Variants in CDH13 observed in about 807,000 individuals in gnomAD.
The protein encoded by CDH13 is cadherin 13.
Under a neutral mutation model 63.8 loss-of-function variants are expected in CDH13, and 24 were observed. The observed-to-expected ratio is 0.38, with a 90% CI of 0.27 to 0.53. CDH13 has a LOEUF of 0.53. CDH13 is among the 20% of genes least tolerant of loss of function. CDH13 has a pLI of 0.85. For synonymous variants in CDH13, 503 were observed against 355.3 expected, an observed-to-expected ratio of 1.42 and a Z score of -4.67; for missense variants, 1,049 against 903.1, an observed-to-expected ratio of 1.16 and a Z score of -2.07.
chr16:82,849,477 G>A (rs907304242), intron 1 of CDH13, among the ~76,000 whole-genome samples: 4 of 152,142 alleles, frequency 2.6e-5, no homozygotes, highest in African/African-American at 9.7e-5. Flanking sequence ...ACTCCAGCCT[G>A]GTGACAGAGT....
chr16:82,990,698 C>T (rs927662395), intron 2 of CDH13, among the ~76,000 whole-genome samples: 2 of 152,026 alleles, frequency 1.3e-5, no homozygotes, highest in African/African-American at 2.4e-5. Context: ...AGGTGCATGC[C>T]ACCAGGACCA....
At chr16:82,843,919 C>G (rs2039139767) in intron 1 of CDH13, among the ~76,000 whole-genome samples, 1 of 152,232 alleles carries the variant, frequency 6.6e-6, no homozygotes, top group Non-Finnish European at 1.5e-5. Context: ...CCTGATTTCA[C>G]AGGTAAATAT....
chr16:83,237,766 G>A (rs1299987969), intron 5 of CDH13, among the ~76,000 whole-genome samples: 1 of 152,220 alleles, frequency 6.6e-6, no homozygotes, highest in African/African-American at 2.4e-5. Flanking sequence ...GTAGAAATGA[G>A]AGAATATGCT....
At chr16:83,130,133 G>A (rs1206223344) in intron 4 of CDH13, among the ~76,000 whole-genome samples, 1 of 152,212 alleles carries the variant, frequency 6.6e-6, no homozygotes. Context: ...GATCTTGCGG[G>A]ATTACAAAAG....
intron 3 of CDH13, among the ~76,000 whole-genome samples, chr16:83,111,656 A>G (rs934438503): frequency 6.6e-6 from 1 of 152,186 alleles, no homozygotes; most frequent in Non-Finnish European, 1.5e-5. Context: ...CAGAGCACTC[A>G]GGCATTGGAT....
chr16:83,708,274 C>G (rs1284343783), intron 10 of CDH13, among the ~76,000 whole-genome samples: 5 of 152,248 alleles, frequency 3.3e-5, no homozygotes, highest in Non-Finnish European at 2.9e-5. Context: ...CCGTAAGGGA[C>G]AGTCAACCAG....
chr16:82,861,355 A>G (rs1001585012), intron 2 of CDH13, among the ~76,000 whole-genome samples: 1 of 152,190 alleles, frequency 6.6e-6, no homozygotes, highest in African/African-American at 2.4e-5. Flanking sequence ...AACACAGCAT[A>G]ATCAATCAAT....
At chr16:83,727,814 C>G (rs767973930) in intron 10 of CDH13, among the ~76,000 whole-genome samples, 1 of 152,070 alleles carries the variant, frequency 6.6e-6, no homozygotes, top group Non-Finnish European at 1.5e-5. Flanking sequence ...ACTTTGCTCA[C>G]CAGTCACAGC....
At chr16:83,517,415 T>C (rs2074723384) in intron 7 of CDH13, among the ~76,000 whole-genome samples, 1 of 152,356 alleles carries the variant, frequency 6.6e-6, no homozygotes, top group Non-Finnish European at 1.5e-5. Flanking sequence ...GGGAGCTCTG[T>C]TCCACGTAGT....
intron 9 of CDH13, 63 bp from the exon 10 acceptor site, chr16:83,678,145 G>A (rs1915115891): frequency 2.6e-6 from 4 of 1,546,450 alleles, no homozygotes; most frequent in East Asian, 4.5e-5. Flanking sequence ...AGAGGAAGTT[G>A]ATGCAAACCA....
intron 5 of CDH13, among the ~76,000 whole-genome samples, chr16:83,341,056 A>T (rs979579111): frequency 2.0e-5 from 3 of 152,098 alleles, no homozygotes; most frequent in Non-Finnish European, 4.4e-5. Context: ...TGTTTTTCTC[A>T]CAGTAGGTTT....
chr16:83,707,799 C>T (rs1907320790), intron 10 of CDH13, among the ~76,000 whole-genome samples: 1 of 125,060 alleles, frequency 8.0e-6, no homozygotes, highest in East Asian at 2.4e-4. Context: ...TTAAAGTGAA[C>T]TGAGTGGGAC....
intron 13 of CDH13, among the ~76,000 whole-genome samples, chr16:83,786,210 C>CCAAG (rs1915868717): frequency 1.3e-5 from 2 of 152,272 alleles, no homozygotes; most frequent in African/African-American, 2.4e-5. Context: ...GAGAAACCAA[C>CCAAG]TAGGAAGAGT....
chr16:83,428,324 T>A (rs1057235307), intron 6 of CDH13, among the ~76,000 whole-genome samples: 17 of 151,822 alleles, frequency 1.1e-4, no homozygotes, highest in African/African-American at 3.1e-4. Flanking sequence ...TTAAAAACAT[T>A]GGAAACATAC....
At chr16:83,583,378 C>T (rs1598328354) in intron 7 of CDH13, among the ~76,000 whole-genome samples, 1 of 152,212 alleles carries the variant, frequency 6.6e-6, no homozygotes, top group Non-Finnish European at 1.5e-5. Flanking sequence ...GGAGATAGCA[C>T]TCACTTCACT....
chr16:83,737,073 G>A (rs969074157), intron 10 of CDH13, among the ~76,000 whole-genome samples: 1 of 152,184 alleles, frequency 6.6e-6, no homozygotes, highest in African/African-American at 2.4e-5. Context: ...TCAAAACAGT[G>A]GTTCTTAGGC....
At chr16:82,863,855 A>G (rs1280898851) in intron 2 of CDH13, among the ~76,000 whole-genome samples, 1 of 151,290 alleles carries the variant, frequency 6.6e-6, no homozygotes, top group Non-Finnish European at 1.5e-5. Flanking sequence ...ATGGACCAGT[A>G]ATTTTTTTAA....
intron 8 of CDH13, among the ~76,000 whole-genome samples, chr16:83,609,722 A>G (rs1173202592): frequency 1.3e-5 from 2 of 152,216 alleles, no homozygotes; most frequent in African/African-American, 4.8e-5. Context: ...CTTTATTGAG[A>G]TATAACTCAC....
At chr16:83,137,192 A>G (rs1242897172) in intron 4 of CDH13, among the ~76,000 whole-genome samples, 1 of 152,190 alleles carries the variant, frequency 6.6e-6, no homozygotes, top group Non-Finnish European at 1.5e-5. Context: ...AGTGAGGATC[A>G]TTTTTTGACA....
Sources: gnomAD v4.1 joint callset for allele counts (sites outside exome capture counted in the v4.1 genomes callset) on GRCh38, gnomAD v4.1.1 for gene constraint, MANE v1.5 for transcripts, NCBI Gene and HGNC (gene_info 2026-07-23, HGNC 2026-07-21) for gene names.